Variants in RREB1 observed in about 807,000 individuals in gnomAD.
RREB1 encodes ras-responsive element-binding protein 1.
A neutral mutation model predicts 117.8 loss-of-function variants in RREB1; 27 were observed. The ratio of observed to expected loss-of-function variants is 0.23; its 90% confidence interval spans 0.17 to 0.32. The LOEUF is 0.32. RREB1 is among the 10% of genes least tolerant of loss of function. The pLI, the probability that RREB1 is intolerant of heterozygous loss-of-function variation, is 1.00. For synonymous variants in RREB1, 1,298 were observed against 1,026.7 expected (o/e 1.26, Z -5.05); for missense variants, 2,577 against 2,378.2 (o/e 1.08, Z -1.74).
intron 1 of RREB1, among the ~76,000 whole-genome samples, chr6:7,157,748 CTCTG>C (rs940116488): frequency 1.0e-4 from 15 of 147,264 alleles, no homozygotes; most frequent in Admixed American, 5.3e-4. Flanking sequence ...CAGAGCAAGA[CTCTG>C]TCTGTCTCTT....
At chr6:7,172,111 A>T (rs949717221) in intron 1 of RREB1, among the ~76,000 whole-genome samples, 2 of 151,826 alleles carry the variant, frequency 1.3e-5, no homozygotes, top group African/African-American at 4.8e-5. Context: ...ATACCTGCCT[A>T]ATATTTAAAT....
At chr6:7,128,963 C>A (rs190366358) in intron 1 of RREB1, among the ~76,000 whole-genome samples, 1 of 151,848 alleles carries the variant, frequency 6.6e-6, no homozygotes, top group Non-Finnish European at 1.5e-5. Flanking sequence ...AGTGAGACTC[C>A]GTCTCAAAAA....
intron 1 of RREB1, among the ~76,000 whole-genome samples, chr6:7,166,916 TA>T (rs988938689): frequency 6.6e-6 from 1 of 152,166 alleles, no homozygotes; most frequent in Admixed American, 6.5e-5. Flanking sequence ...GGATATTGCC[TA>T]AAACTCTATG....
In RREB1 at chr6:7,229,782, C is replaced by T. The variant is rs756189231; in HGVS notation, c.1683C>T (p.His561=). 2 of 1,607,944 alleles carry T rather than the reference C, an allele frequency of 1.2e-6. No individual in the cohort carries two copies. The highest frequency in any genetic ancestry group is 1.7e-6 in the Non-Finnish European group (2 of 1,176,376). Residue 561 remains histidine (H), a synonymous_variant, in exon 10 of 13, where the codon CAC becomes CAT. Transcript: ENST00000379938. This position sits in a 1 kb window ranked among gnomAD's most constrained non-coding sequence, Gnocchi z 4.5. ...KGSVEAASNA[H]LLQSKSGTQP... ...CAGTGGAGGCGGCCTCCAACGCCCA[C>T]CTGCTGCAGTCCAAGTCCGGGACCC... is the stretch of plus-strand genomic sequence containing the variant.
intron 6 of RREB1, among the ~76,000 whole-genome samples, chr6:7,204,142 G>C (rs926972940): frequency 1.3e-5 from 2 of 152,206 alleles, no homozygotes; most frequent in Admixed American, 6.5e-5. Context: ...AGGTGCTTAC[G>C]CATTGTCTAA....
intron 1 of RREB1, chr6:7,139,139 TG>T (rs1762458953): frequency 6.6e-6 from 1 of 152,212 alleles, no homozygotes; most frequent in Non-Finnish European, 1.5e-5. Flanking sequence ...AAGGTACCAT[TG>T]TTTGTTCTGC....
At chr6:7,228,497 T>C (rs1767720280) in intron 9 of RREB1, among the ~76,000 whole-genome samples, 1 of 105,674 alleles carries the variant, frequency 9.5e-6, no homozygotes, top group African/African-American at 4.3e-5. Flanking sequence ...AAGGTCAACT[T>C]TTTTTTTTTT....
At position 7,189,334 on chromosome 6, in the gene RREB1, C is replaced by A; in HGVS notation, c.425+12C>A. ...GGGAACATGCACAGGTGGGTGAGGG[C>A]GCCCTTTGCTTGGGGGGTTGGCTGG... On this transcript the variant is annotated intron_variant, in intron 6 of 12. Transcript: ENST00000379938. 6.4e-7 allele frequency: 1 copy of A among 1,560,984 alleles called. No homozygotes were observed. The highest frequency in any genetic ancestry group is 8.7e-7 in the Non-Finnish European group (1 of 1,149,966).
rs764070709 is a variant in RREB1 at position 7,231,947 on chromosome 6, TC to T, written c.3808+42del. The stretch of plus-strand genomic sequence containing the variant: ...GGGCTCCCAGGCAGTGAGTCCTACT[TC>T]CTGGTAGGGGGAGCCACGAGTGGGG... On this transcript the variant is annotated intron_variant, in intron 10 of 12. Transcript: ENST00000379938. 8 of 1,534,482 alleles carry T rather than the reference TC, an allele frequency of 5.2e-6. No individual in the cohort carries two copies. In the South Asian group the frequency reaches 8.8e-5, roughly 17 times the overall value.
chr6:7,152,273 G>T (rs1206555218), intron 1 of RREB1, among the ~76,000 whole-genome samples: 4 of 152,222 alleles, frequency 2.6e-5, no homozygotes, highest in Non-Finnish European at 5.9e-5. Flanking sequence ...CTGTTTTAGG[G>T]TGTACATGAT....
At chr6:7,198,366 A>T (rs1041258541) in intron 6 of RREB1, among the ~76,000 whole-genome samples, 1 of 152,228 alleles carries the variant, frequency 6.6e-6, no homozygotes, top group Non-Finnish European at 1.5e-5. Flanking sequence ...GACTGTGTGA[A>T]TGTTTTGTTT....
intron 1 of RREB1, among the ~76,000 whole-genome samples, chr6:7,145,369 A>G (rs962903547): frequency 2.0e-5 from 3 of 152,212 alleles, no homozygotes; most frequent in Non-Finnish European, 4.4e-5. Flanking sequence ...GTTGCTTAAA[A>G]TGGCAACTGA....
intron 5 of RREB1, among the ~76,000 whole-genome samples, chr6:7,188,664 A>C (rs1248271693): frequency 1.3e-5 from 2 of 152,154 alleles, no homozygotes; most frequent in East Asian, 3.9e-4. Context: ...TACTAAAGTA[A>C]CTCGGGTTTG....
intron 1 of RREB1, among the ~76,000 whole-genome samples, chr6:7,146,219 G>A (rs1479610987): frequency 1.3e-5 from 2 of 152,182 alleles, no homozygotes; most frequent in Non-Finnish European, 2.9e-5. Flanking sequence ...AGCGGCTGTG[G>A]GCCTCAGCCT....
chr6:7,248,462 G>A (rs781436030), intron 12 of RREB1, 49 bp from the exon 13 acceptor site: 2 of 1,515,184 alleles, frequency 1.3e-6, no homozygotes, highest in South Asian at 2.3e-5. Flanking sequence ...GGGTGCAGTG[G>A]GTACTGGTGC....
chr6:7,175,272 A>T (rs1764443062), intron 1 of RREB1, among the ~76,000 whole-genome samples: 1 of 144,174 alleles, frequency 6.9e-6, no homozygotes, highest in Non-Finnish European at 1.5e-5. Context: ...AGGGATTCTT[A>T]CCCTGCTGTC....
At chr6:7,212,625 G>T (rs1766680000) in intron 8 of RREB1, 1 of 152,138 alleles carries the variant, frequency 6.6e-6, no homozygotes, top group Non-Finnish European at 1.5e-5. Context: ...ACAGCTGCAG[G>T]GTCACGAGCA....
chr6:7,186,214 T>G (rs1344302038), intron 4 of RREB1, among the ~76,000 whole-genome samples: 1 of 152,226 alleles, frequency 6.6e-6, no homozygotes, highest in Non-Finnish European at 1.5e-5. Flanking sequence ...TTCTCCTGGC[T>G]TGGGCTTGCC....
At chr6:7,141,380 A>AG (rs1320188313) in intron 1 of RREB1, among the ~76,000 whole-genome samples, 1 of 152,230 alleles carries the variant, frequency 6.6e-6, no homozygotes, top group African/African-American at 2.4e-5. Context: ...GGAGCTCTTC[A>AG]GAGATGCCTT....
Sources: gnomAD v4.1 joint callset for allele counts (sites outside exome capture counted in the v4.1 genomes callset) on GRCh38, gnomAD v4.1.1 for gene constraint, Gnocchi (gnomAD v3.1) non-coding constraint, MANE v1.5 for transcripts, NCBI Gene and HGNC (gene_info 2026-07-23, HGNC 2026-07-21) for gene names.